CACNA1E: variants seen among roughly 807,000 people sequenced by gnomAD.
CACNA1E encodes calcium voltage-gated channel subunit alpha1 E.
Under a neutral mutation model 259.2 loss-of-function variants are expected in CACNA1E, and 40 were observed. The observed-to-expected ratio is 0.15, with a 90% CI of 0.12 to 0.20. The LOEUF is 0.20. CACNA1E is among the 10% of genes least tolerant of loss of function. The pLI is 1.00. For missense variants in CACNA1E, 1,874 were observed against 3,040.1 expected (o/e 0.62, Z 9.02); for synonymous variants, 1,104 against 1,138.5 (o/e 0.97, Z 0.61).
upstream of CACNA1E, among the ~76,000 whole-genome samples, chr1:181,481,022 G>A (rs1663195342): frequency 6.6e-6 from 1 of 152,076 alleles, no homozygotes; most frequent in African/African-American, 2.4e-5. Flanking sequence ...AGTTTACAGG[G>A]ATACCGAGAT....
chr1:181,484,719 C>T (rs1428995332), intron 1 of CACNA1E, among the ~76,000 whole-genome samples: 1 of 152,184 alleles, frequency 6.6e-6, no homozygotes, highest in Non-Finnish European at 1.5e-5. Context: ...CCATCCTGTC[C>T]TTGGTCCTTG....
chr1:181,765,483 C>T (rs1658940798), intron 34 of CACNA1E, among the ~76,000 whole-genome samples: 6 of 152,226 alleles, frequency 3.9e-5, no homozygotes, highest in Admixed American at 3.9e-4. Flanking sequence ...GGAATCAACA[C>T]TTCATTGGAG....
At chr1:181,490,788 A>G (rs1245799778) in intron 1 of CACNA1E, among the ~76,000 whole-genome samples, 1 of 151,866 alleles carries the variant, frequency 6.6e-6, no homozygotes, top group Non-Finnish European at 1.5e-5. Flanking sequence ...CCTTTGGGGG[A>G]GGGATTAAAA....
intron 6 of CACNA1E, among the ~76,000 whole-genome samples, chr1:181,645,392 GGTAGTAGCA>G (rs979348683): frequency 2.0e-5 from 3 of 152,112 alleles, no homozygotes; most frequent in African/African-American, 7.2e-5. Flanking sequence ...GCTACTGCAA[GGTAGTAGCA>G]GTTCATTCTG....
At chr1:181,426,167 A>G (rs1659178385) in intron 2 of CACNA1E, among the ~76,000 whole-genome samples, 1 of 151,766 alleles carries the variant, frequency 6.6e-6, no homozygotes, top group Admixed American at 6.6e-5. Context: ...GGTCAGGTCT[A>G]ACTGCATCCC....
At position 181,651,412 on chromosome 1, in the gene CACNA1E, T is replaced by C. The variant is rs1204302515; in HGVS notation, c.1026T>C (p.Val342=). The C allele has an allele frequency of 1.9e-6, 3 of 1,613,780 alleles. No individual in the cohort carries two copies. Among genetic ancestry groups the C allele is most frequent in the East Asian group, 4.5e-5 (2 of 44,880 alleles). ...TCATCATCATTGGATCCTTCTTTGT[T>C]CTCAACCTAGTCCTGGGAGTGCTTT... ...IPLIIIGSFF[V]LNLVLGVLSG... is the part of the protein sequence containing the mutation. The change falls in exon 7 of 48, where the codon GTT becomes GTC. Residue 342 remains valine (V), a synonymous_variant. Transcript: ENST00000367573.
intron 41 of CACNA1E, 70 bp downstream of exon 41, chr1:181,784,838 A>G: frequency 1.1e-6 from 1 of 883,408 alleles, no homozygotes; most frequent in East Asian, 2.6e-5. Flanking sequence ...TTTGGGGGGA[A>G]CCCAGAGTGA....
intron 37 of CACNA1E, among the ~76,000 whole-genome samples, chr1:181,772,495 T>C (rs1425476951): frequency 6.6e-6 from 1 of 152,162 alleles, no homozygotes; most frequent in African/African-American, 2.4e-5. Context: ...AAGTCTTTGT[T>C]GGTTCTAGGG....
At chr1:181,660,026 C>T (rs1647480186) in intron 7 of CACNA1E, among the ~76,000 whole-genome samples, 1 of 152,140 alleles carries the variant, frequency 6.6e-6, no homozygotes, top group Admixed American at 6.5e-5. Context: ...CATTGATGTA[C>T]ACACTAATTC....
At chr1:181,746,989 G>T (rs972068190) in intron 25 of CACNA1E, among the ~76,000 whole-genome samples, 1 of 152,208 alleles carries the variant, frequency 6.6e-6, no homozygotes, top group Non-Finnish European at 1.5e-5. Flanking sequence ...TGTATTTAAT[G>T]TCTGCTATAG....
chr1:181,547,632 T>G, intron 3 of CACNA1E, among the ~76,000 whole-genome samples: 1 of 152,224 alleles, frequency 6.6e-6, no homozygotes, highest in East Asian at 1.9e-4. Context: ...CCCAAAGATG[T>G]AGAGGAAGCA....
Position 181,712,339 on chromosome 1 carries a change from A to G in CACNA1E, c.1171+1270A>G, listed in dbSNP as rs1488364412. 1.3e-5 allele frequency among the ~76,000 whole-genome samples: 2 copies of G among 152,260 alleles called. 1 individual carries two copies. The highest frequency in any genetic ancestry group is 1.3e-4 in the Admixed American group (2 of 15,290). On this transcript the variant is annotated intron_variant, in intron 8 of 47. Coordinates refer to ENST00000367573, the MANE Select transcript of CACNA1E (RefSeq NM_001205293.3). The stretch of plus-strand genomic sequence containing the variant: ...CTTAAATAAAAACTACACGTATGAC[A>G]GTATCTTTTCTCTATTCCTAATAGA...
At chr1:181,517,128 G>A (rs116388800) in intron 3 of CACNA1E, among the ~76,000 whole-genome samples, 23 of 152,354 alleles carry the variant, frequency 1.5e-4, no homozygotes, top group African/African-American at 5.5e-4. Context: ...AGGGTGTCCA[G>A]CCTGGCCCTG....
chr1:181,706,215 G>C (rs78311700), intron 7 of CACNA1E, among the ~76,000 whole-genome samples: 4 of 152,028 alleles, frequency 2.6e-5, no homozygotes, highest in African/African-American at 4.8e-5. Context: ...ATAGTGCCCT[G>C]CTATGAGCTG....
At chr1:181,510,234 G>A (rs888285795) in intron 1 of CACNA1E, among the ~76,000 whole-genome samples, 4 of 152,144 alleles carry the variant, frequency 2.6e-5, no homozygotes, top group Admixed American at 6.5e-5. Flanking sequence ...GGCTATATAC[G>A]TTCCTTTTTT....
intron 3 of CACNA1E, among the ~76,000 whole-genome samples, chr1:181,576,736 G>A (rs534423209): frequency 3.3e-4 from 50 of 152,322 alleles, no homozygotes; most frequent in African/African-American, 1.1e-3. Flanking sequence ...TTCACAGAAA[G>A]AAGAATAAAA....
At chr1:181,785,256 G>T in intron 41 of CACNA1E, 62 bp from the exon 42 acceptor site, 1 of 947,940 alleles carries the variant, frequency 1.1e-6, no homozygotes, top group Non-Finnish European at 1.7e-6. Context: ...AAGCTTAGAG[G>T]TTCCTCACTC....
At chr1:181,643,616 C>G (rs1049302725) in intron 6 of CACNA1E, among the ~76,000 whole-genome samples, 2 of 152,156 alleles carry the variant, frequency 1.3e-5, no homozygotes, top group Non-Finnish European at 2.9e-5. Flanking sequence ...ACCCTGGTCT[C>G]GGTAGCATCG....
At chr1:181,634,394 C>G (rs1167373959) in intron 6 of CACNA1E, among the ~76,000 whole-genome samples, 1 of 152,224 alleles carries the variant, frequency 6.6e-6, no homozygotes, top group African/African-American at 2.4e-5. Flanking sequence ...GCTTCCCTCT[C>G]TCAAGAGGCA....
Sources: gnomAD v4.1 joint callset for allele counts (sites outside exome capture counted in the v4.1 genomes callset) on GRCh38, gnomAD v4.1.1 for gene constraint, MANE v1.5 for transcripts, NCBI Gene and HGNC (gene_info 2026-07-23, HGNC 2026-07-21) for gene names.